Variants in SHISA9 observed in about 807,000 individuals in gnomAD.
SHISA9 encodes the protein shisa family member 9.
SHISA9 carries 13 observed loss-of-function variants against 38.0 expected under a neutral mutation model. That is an observed-to-expected ratio of 0.34 (90% confidence interval 0.22 to 0.54). The LOEUF is 0.54. Among genes scored for constraint, SHISA9 ranks in the 20% least tolerant of loss-of-function variants. SHISA9 has a pLI of 0.91. For missense variants in SHISA9, 538 were observed against 575.8 expected, an observed-to-expected ratio of 0.93 and a Z score of 0.67; for synonymous variants, 275 against 242.0, an observed-to-expected ratio of 1.14 and a Z score of -1.27.
chr16:13,323,538 C>A, the SHISA9 span, among the ~76,000 whole-genome samples: 1 of 152,182 alleles, frequency 6.6e-6, no homozygotes, highest in Admixed American at 6.5e-5. Flanking sequence ...TGTATTAATC[C>A]TTTCTCACAC....
chr16:13,175,062 G>T, intron 2 of SHISA9, among the ~76,000 whole-genome samples: 1 of 152,036 alleles, frequency 6.6e-6, no homozygotes, highest in East Asian at 1.9e-4. Context: ...TTCACTTTCC[G>T]TCTTTTAAAA....
chr16:13,097,417 T>C (rs1166069739), intron 2 of SHISA9, among the ~76,000 whole-genome samples: 1 of 146,814 alleles, frequency 6.8e-6, no homozygotes, highest in Non-Finnish European at 1.5e-5. Context: ...CATTGTCTGA[T>C]CAGTATTTTT....
At chr16:13,355,751 C>T in the SHISA9 span, among the ~76,000 whole-genome samples, 1 of 152,132 alleles carries the variant, frequency 6.6e-6, no homozygotes, top group Non-Finnish European at 1.5e-5. Flanking sequence ...ACGGGCTTAC[C>T]TTCCACTGTG....
chr16:13,146,377 G>A (rs188942344), intron 2 of SHISA9, among the ~76,000 whole-genome samples: 224 of 152,158 alleles, frequency 1.5e-3, no homozygotes, highest in Middle Eastern at 0.014. Context: ...TAATTTTTGT[G>A]TTTAATTTTT....
At chr16:13,487,736 T>A in the SHISA9 span, among the ~76,000 whole-genome samples, 8 of 152,368 alleles carry the variant, frequency 5.3e-5, no homozygotes, top group Admixed American at 4.6e-4. Context: ...GATACTATAC[T>A]GCATTGTTTT....
At chr16:12,997,427 T>TA (rs1418157181) in intron 2 of SHISA9, among the ~76,000 whole-genome samples, 2 of 151,088 alleles carry the variant, frequency 1.3e-5, no homozygotes, top group South Asian at 2.1e-4. Flanking sequence ...TTTTTTTTTT[T>TA]AGACAGTCTC....
rs181287673 is a variant in SHISA9, at chr16:13,020,618, C to T, written c.691+103803C>T. On this transcript the variant is annotated intron_variant, in intron 2 of 4. Transcript: ENST00000558583. ...ACACATATTTGTGGAGTCAAGGCTT[C>T]AGCATATGAATTTACAGGGGACCCA... 6.6e-4 allele frequency among the ~76,000 whole-genome samples: 100 copies of T among 152,278 alleles called. 4 individuals carry two copies. In the East Asian group the frequency reaches 0.019, roughly 29 times the overall value.
At chr16:12,979,956 G>A (rs922276038) in intron 2 of SHISA9, among the ~76,000 whole-genome samples, 4 of 152,022 alleles carry the variant, frequency 2.6e-5, no homozygotes, top group Non-Finnish European at 4.4e-5. Flanking sequence ...ATCTCCTGGG[G>A]ATCATATTAA....
At chr16:12,966,296 C>G (rs964003413) in intron 2 of SHISA9, among the ~76,000 whole-genome samples, 1 of 152,122 alleles carries the variant, frequency 6.6e-6, no homozygotes, top group Non-Finnish European at 1.5e-5. Context: ...AGACCAAGCT[C>G]CAGTGCTATC....
the SHISA9 span, among the ~76,000 whole-genome samples, chr16:13,534,737 A>T: frequency 6.6e-6 from 1 of 152,154 alleles, no homozygotes. Flanking sequence ...GATCTTCCTC[A>T]TATATCAACC....
rs1232109119 is a variant in SHISA9 at position 12,902,573 on chromosome 16, T to C, written c.509T>C (p.Phe170Ser). ...GCCGTCATGGTGCTCGTGGGCATCT[T>C]CACCAAGCTGGGGCTGGAGAAAGCG... Reference protein sequence around the residue: ...VVAVMVLVGIFTKLGLEKAHR... With the variant: ...VVAVMVLVGISTKLGLEKAHR... The change falls in exon 1 of 5, where the codon TTC becomes TCC. Residue 170 changes from phenylalanine (F) to serine (S), a missense_variant. Coordinates refer to ENST00000558583, the MANE Select transcript of SHISA9 (RefSeq NM_001145204.3). 1.9e-6 allele frequency: 3 copies of C among 1,551,170 alleles called. No homozygotes were observed. The highest frequency in any genetic ancestry group is 2.6e-6 in the Non-Finnish European group (3 of 1,146,978).
At chr16:13,328,230 G>C in the SHISA9 span, among the ~76,000 whole-genome samples, 2 of 152,028 alleles carry the variant, frequency 1.3e-5, no homozygotes, top group African/African-American at 2.4e-5. Flanking sequence ...AGATTAGAAA[G>C]GGAAGAAAAC....
the SHISA9 span, among the ~76,000 whole-genome samples, chr16:13,438,299 T>G: frequency 6.6e-6 from 1 of 152,272 alleles, no homozygotes; most frequent in Non-Finnish European, 1.5e-5. Flanking sequence ...TTAGACGAGG[T>G]TAAGTATGCA....
chr16:13,097,215 C>T (rs1461178750), intron 2 of SHISA9, among the ~76,000 whole-genome samples: 1 of 152,122 alleles, frequency 6.6e-6, no homozygotes, highest in Non-Finnish European at 1.5e-5. Flanking sequence ...CTTCATGTTA[C>T]ATTGGGAGGA....
At chr16:13,161,681 C>A (rs1282981775) in intron 2 of SHISA9, among the ~76,000 whole-genome samples, 1 of 152,148 alleles carries the variant, frequency 6.6e-6, no homozygotes, top group East Asian at 1.9e-4. Context: ...TCCCTTGACT[C>A]TTAGATCTTC....
At chr16:13,499,910 G>A in the SHISA9 span, among the ~76,000 whole-genome samples, 1 of 152,184 alleles carries the variant, frequency 6.6e-6, no homozygotes, top group African/African-American at 2.4e-5. Context: ...GATGTGCCTG[G>A]TACTGTGCTC....
At chr16:12,929,402 A>G (rs956914978) in intron 2 of SHISA9, among the ~76,000 whole-genome samples, 1 of 152,256 alleles carries the variant, frequency 6.6e-6, no homozygotes, top group Non-Finnish European at 1.5e-5. Context: ...ATGCCCATCA[A>G]TGATAGACTG....
At chr16:13,469,425 A>AAAGAAAGAAAG in the SHISA9 span, among the ~76,000 whole-genome samples, 1 of 117,302 alleles carries the variant, frequency 8.5e-6, no homozygotes, top group Admixed American at 7.9e-5. Context: ...AAGAAAGAAA[A>AAAGAAAGAAAG]AGAAAGAAAG....
chr16:13,323,963 G>C, the SHISA9 span, among the ~76,000 whole-genome samples: 4 of 152,164 alleles, frequency 2.6e-5, no homozygotes, highest in Admixed American at 2.6e-4. Flanking sequence ...CCTCATGAAT[G>C]ACTTGAGGCT....
Sources: gnomAD v4.1 joint callset for allele counts (sites outside exome capture counted in the v4.1 genomes callset) on GRCh38, gnomAD v4.1.1 for gene constraint, MANE v1.5 for transcripts, NCBI Gene and HGNC (gene_info 2026-07-23, HGNC 2026-07-21) for gene names.